Variants in DRC11 observed in about 807,000 individuals in gnomAD.
DRC11 encodes IQ and AAA domain-containing protein 1.
chr2:236,505,271 A>C, the DRC11 span, among the ~76,000 whole-genome samples: 1 of 152,198 alleles, frequency 6.6e-6, no homozygotes, highest in Non-Finnish European at 1.5e-5. Context: ...AAACACTTGA[A>C]TATTCACTTG....
chr2:236,495,682 T>C, the DRC11 span, among the ~76,000 whole-genome samples: 6 of 152,168 alleles, frequency 3.9e-5, no homozygotes, highest in Admixed American at 6.5e-5. This position sits in a 1 kb window ranked among gnomAD's most constrained non-coding sequence, Gnocchi z 5.6. Flanking sequence ...AGCTGGGTGT[T>C]TGTCAGTACC....
the DRC11 span, among the ~76,000 whole-genome samples, chr2:236,353,639 C>CTCAT: frequency 1.3e-5 from 2 of 152,012 alleles, no homozygotes; most frequent in African/African-American, 4.8e-5. This position sits in a 1 kb window ranked among gnomAD's most constrained non-coding sequence, Gnocchi z 5.0. Flanking sequence ...TCGGCTGAAA[C>CTCAT]TCATTCATTC....
the DRC11 span, among the ~76,000 whole-genome samples, chr2:236,469,419 A>G: frequency 6.6e-6 from 1 of 152,066 alleles, no homozygotes; most frequent in Non-Finnish European, 1.5e-5. This position sits in a 1 kb window ranked among gnomAD's most constrained non-coding sequence, Gnocchi z 5.8. Context: ...TTGGTCACAC[A>G]TCTGTTATTT....
At chr2:236,358,016 T>A in the DRC11 span, among the ~76,000 whole-genome samples, 1 of 110,036 alleles carries the variant, frequency 9.1e-6, no homozygotes, top group Non-Finnish European at 1.7e-5. Flanking sequence ...TTATAATATA[T>A]AGATATAATA....
At chr2:236,392,003 T>TGGGGGG in the DRC11 span, 1 of 1,614,016 alleles carries the variant, frequency 6.2e-7, no homozygotes, top group Non-Finnish European at 8.5e-7. The surrounding 1 kb of genome is among the most constrained non-coding windows in gnomAD (Gnocchi z 5.1). Context: ...CTGCTTTCAC[T>TGGGGGG]GGGCGCTCCC....
At chr2:236,411,818 T>G in the DRC11 span, among the ~76,000 whole-genome samples, 2 of 145,742 alleles carry the variant, frequency 1.4e-5, no homozygotes, top group Non-Finnish European at 3.0e-5. Context: ...ACACCGCATA[T>G]TCTCACTCAT....
the DRC11 span, among the ~76,000 whole-genome samples, chr2:236,356,085 G>A: frequency 6.6e-6 from 1 of 152,212 alleles, no homozygotes; most frequent in Non-Finnish European, 1.5e-5. Context: ...AGCTGACACT[G>A]CCTCGGCCCC....
At chr2:236,425,170 T>A in the DRC11 span, among the ~76,000 whole-genome samples, 1 of 152,048 alleles carries the variant, frequency 6.6e-6, no homozygotes, top group African/African-American at 2.4e-5. Flanking sequence ...TTCCTTTGGA[T>A]ACATACTCAG....
At chr2:236,424,971 G>T in the DRC11 span, among the ~76,000 whole-genome samples, 1 of 152,040 alleles carries the variant, frequency 6.6e-6, no homozygotes, top group Admixed American at 6.5e-5. Context: ...GTTCATGCAT[G>T]TTGTCACAAA....
chr2:236,399,385 G>A, the DRC11 span: 1 of 1,580,742 alleles, frequency 6.3e-7, no homozygotes, highest in Non-Finnish European at 8.7e-7. The surrounding 1 kb of genome is among the most constrained non-coding windows in gnomAD (Gnocchi z 7.0). Context: ...TGCTGTCTTG[G>A]TGACCATGCA....
the DRC11 span, among the ~76,000 whole-genome samples, chr2:236,439,511 T>C: frequency 6.6e-6 from 1 of 152,206 alleles, no homozygotes; most frequent in Admixed American, 6.5e-5. Context: ...TAAATAATTG[T>C]TCAGTCTATC....
chr2:236,497,877 T>C, the DRC11 span, among the ~76,000 whole-genome samples: 1 of 152,204 alleles, frequency 6.6e-6, no homozygotes, highest in African/African-American at 2.4e-5. This position sits in a 1 kb window ranked among gnomAD's most constrained non-coding sequence, Gnocchi z 5.1. Flanking sequence ...TGGAAAGTAA[T>C]GTAGCATTTT....
chr2:236,422,732 C>G, the DRC11 span, among the ~76,000 whole-genome samples: 1 of 152,254 alleles, frequency 6.6e-6, no homozygotes, highest in South Asian at 2.1e-4. Flanking sequence ...AAAAAGGAGC[C>G]CGCATTGCCA....
At chr2:236,438,209 C>T in the DRC11 span, among the ~76,000 whole-genome samples, 2 of 140,470 alleles carry the variant, frequency 1.4e-5, no homozygotes, top group Admixed American at 1.4e-4. Flanking sequence ...AATCCTTTCC[C>T]CATTGCTTGT....
chr2:236,416,768 TAA>T, the DRC11 span, among the ~76,000 whole-genome samples: 100 of 92,850 alleles, frequency 1.1e-3, no homozygotes, highest in African/African-American at 3.2e-3. Context: ...TATATATATA[TAA>T]ATAATTTTGC....
the DRC11 span, among the ~76,000 whole-genome samples, chr2:236,459,390 G>C: frequency 6.6e-6 from 1 of 151,676 alleles, no homozygotes; most frequent in Non-Finnish European, 1.5e-5. Flanking sequence ...AACAAAGATA[G>C]TTCTCCTTGG....
the DRC11 span, among the ~76,000 whole-genome samples, chr2:236,438,775 G>T: frequency 6.6e-5 from 10 of 151,992 alleles, no homozygotes; most frequent in East Asian, 1.9e-4. Context: ...ATTTTTTTCA[G>T]CACCACACCA....
chr2:236,448,161 T>C, the DRC11 span, among the ~76,000 whole-genome samples: 2 of 152,208 alleles, frequency 1.3e-5, no homozygotes, highest in African/African-American at 4.8e-5. The surrounding 1 kb of genome is among the most constrained non-coding windows in gnomAD (Gnocchi z 5.3). Context: ...AAAACTGAGA[T>C]AATCATCCCC....
the DRC11 span, among the ~76,000 whole-genome samples, chr2:236,384,230 G>A: frequency 1.3e-5 from 2 of 152,046 alleles, no homozygotes; most frequent in Non-Finnish European, 2.9e-5. Context: ...GATCCCTGAG[G>A]CATCGCCACA....
Sources: gnomAD v4.1 joint callset for allele counts (sites outside exome capture counted in the v4.1 genomes callset) on GRCh38, gnomAD v4.1.1 for gene constraint, Gnocchi (gnomAD v3.1) non-coding constraint, MANE v1.5 for transcripts, NCBI Gene and HGNC (gene_info 2026-07-23, HGNC 2026-07-21) for gene names.